Variants in SLC22A23 observed in about 807,000 individuals in gnomAD.
SLC22A23 encodes the protein solute carrier family 22 member 23, also known as ion transporter protein.
In SLC22A23, 26 loss-of-function variants were observed where a neutral mutation model predicts 61.0. The ratio of observed to expected loss-of-function variants is 0.43; its 90% CI spans 0.31 to 0.59. SLC22A23 has a LOEUF of 0.59. SLC22A23 is among the 20% of genes least tolerant of loss of function. The probability of loss-of-function intolerance (pLI) is 0.11; values close to 1 mark genes in which losing one functional copy is unlikely to be tolerated. For missense variants in SLC22A23, 796 were observed against 934.7 expected, an observed-to-expected ratio of 0.85 and a Z score of 1.94; for synonymous variants, 430 against 413.9, an observed-to-expected ratio of 1.04 and a Z score of -0.47.
chr6:3,315,966 T>C (rs1168203793), intron 4 of SLC22A23, among the ~76,000 whole-genome samples: 1 of 152,246 alleles, frequency 6.6e-6, no homozygotes, highest in Admixed American at 6.5e-5. Context: ...CAAAGTATGT[T>C]AGGTCCTCTG....
intron 9 of SLC22A23, among the ~76,000 whole-genome samples, chr6:3,283,167 C>T (rs185181235): frequency 1.3e-5 from 2 of 152,138 alleles, no homozygotes; most frequent in African/African-American, 4.8e-5. Context: ...CACGGTGGTT[C>T]ACGCCTGTAA....
chr6:3,274,883 A>T (rs1005830811), intron 9 of SLC22A23, among the ~76,000 whole-genome samples: 2 of 151,970 alleles, frequency 1.3e-5, no homozygotes, highest in African/African-American at 4.9e-5. Flanking sequence ...TAGAAGACTA[A>T]ATATTATAAA....
At chr6:3,348,149 C>T (rs1189624442) in intron 3 of SLC22A23, among the ~76,000 whole-genome samples, 1 of 152,222 alleles carries the variant, frequency 6.6e-6, no homozygotes, top group East Asian at 1.9e-4. Context: ...AAGAGACATT[C>T]TTTTTGTTTT....
chr6:3,331,716 T>G (rs545650238), intron 3 of SLC22A23, among the ~76,000 whole-genome samples: 5 of 152,372 alleles, frequency 3.3e-5, no homozygotes, highest in African/African-American at 9.6e-5. Context: ...CAAAGACTGA[T>G]GCTCAGCAGC....
chr6:3,398,669 C>A lies in SLC22A23; in HGVS notation c.913+11519G>T, dbSNP rs987597229. Among the ~76,000 whole-genome samples the A allele has an allele frequency of 2.6e-5, 4 of 152,094 alleles. No individual in the cohort carries two copies. The East Asian group carries it at 7.7e-4, about 29-fold the overall frequency. On this transcript the variant is annotated intron_variant, in intron 3 of 9. Coordinates refer to ENST00000406686, the MANE Select transcript of SLC22A23 (RefSeq NM_015482.2). The stretch of plus-strand genomic sequence containing the variant: ...TTCGCCCAAGAGCATCTCACCCCAG[C>A]TGCAACCCTCCCTGCCTCCTCAGGC...
chr6:3,419,275 G>A (rs998727444), intron 1 of SLC22A23, among the ~76,000 whole-genome samples: 3 of 151,866 alleles, frequency 2.0e-5, no homozygotes, highest in African/African-American at 7.3e-5. Flanking sequence ...CATCCCATCC[G>A]TGCTCCATTG....
chr6:3,443,978 A>T (rs1771751766), intron 1 of SLC22A23, among the ~76,000 whole-genome samples: 1 of 152,204 alleles, frequency 6.6e-6, no homozygotes, highest in Non-Finnish European at 1.5e-5. Flanking sequence ...CCCACCTTCC[A>T]CCTGCTGCCC....
chr6:3,405,495 A>G (rs1260335884), intron 3 of SLC22A23, among the ~76,000 whole-genome samples: 1 of 152,194 alleles, frequency 6.6e-6, no homozygotes, highest in African/African-American at 2.4e-5. Context: ...AATGCAGAGC[A>G]AATGTTTGCT....
rs535256737 is a variant in SLC22A23, at chr6:3,417,569, G to GC, written c.655-1715dup. Among the ~76,000 whole-genome samples the GC allele has an allele frequency of 4.9e-4, 74 of 152,320 alleles. 1 individual carries two copies. The highest frequency in any genetic ancestry group is 1.6e-3 in the African/African-American group (65 of 41,562). ...CCTCAAACTGCTCCAGGGACCAGCAGCATCAGCACCACCTGGGGACTAGTT... is the reference window on the plus strand; with the variant it reads ...CCTCAAACTGCTCCAGGGACCAGCAGCCATCAGCACCACCTGGGGACTAGTT... On this transcript the variant is annotated intron_variant, in intron 1 of 9. Coordinates refer to ENST00000406686, the MANE Select transcript of SLC22A23 (RefSeq NM_015482.2).
chr6:3,278,939 G>A (rs1440876718), intron 9 of SLC22A23, among the ~76,000 whole-genome samples: 1 of 152,164 alleles, frequency 6.6e-6, no homozygotes, highest in Non-Finnish European at 1.5e-5. Flanking sequence ...CAGGAGGGCA[G>A]AGTACAGACC....
chr6:3,431,819 G>A (rs769841088), intron 1 of SLC22A23, among the ~76,000 whole-genome samples: 6 of 152,190 alleles, frequency 3.9e-5, no homozygotes, highest in Non-Finnish European at 7.3e-5. Context: ...CACAAAGACC[G>A]CCATTTGCCA....
intron 3 of SLC22A23, among the ~76,000 whole-genome samples, chr6:3,332,827 TC>T (rs892782365): frequency 1.3e-5 from 2 of 152,174 alleles, no homozygotes; most frequent in African/African-American, 2.4e-5. Flanking sequence ...ATCTTAATTC[TC>T]CTTCAGTCTA....
chr6:3,405,588 T>C (rs555420482), intron 3 of SLC22A23, among the ~76,000 whole-genome samples: 6 of 151,452 alleles, frequency 4.0e-5, no homozygotes, highest in Non-Finnish European at 8.8e-5. Flanking sequence ...CTTTGACAAC[T>C]CACTCTGTGG....
At chr6:3,276,164 C>T (rs1306938345) in intron 9 of SLC22A23, among the ~76,000 whole-genome samples, 1 of 151,886 alleles carries the variant, frequency 6.6e-6, no homozygotes, top group African/African-American at 2.4e-5. Context: ...TAAGAGAAGA[C>T]ACTTTGCTCT....
chr6:3,382,397 G>A (rs1460056951), intron 3 of SLC22A23, among the ~76,000 whole-genome samples: 1 of 152,230 alleles, frequency 6.6e-6, no homozygotes, highest in Non-Finnish European at 1.5e-5. Flanking sequence ...TTACGCCCTA[G>A]TCTGAAAATT....
At chr6:3,432,906 T>C (rs1489546249) in intron 1 of SLC22A23, among the ~76,000 whole-genome samples, 4 of 152,200 alleles carry the variant, frequency 2.6e-5, no homozygotes, top group South Asian at 2.1e-4. Context: ...CTCCGGAACC[T>C]TGTGAAGGGA....
At chr6:3,429,957 A>T (rs6917962) in intron 1 of SLC22A23, among the ~76,000 whole-genome samples, 45,988 of 152,100 alleles carry the variant, frequency 0.3, 8,139 homozygotes, top group East Asian at 0.48. Flanking sequence ...GATGAAAAAT[A>T]TCTGGAGATG....
chr6:3,356,762 C>A (rs1765132169), intron 3 of SLC22A23, among the ~76,000 whole-genome samples: 1 of 152,156 alleles, frequency 6.6e-6, no homozygotes, highest in Admixed American at 6.5e-5. Flanking sequence ...TAATAAGGTG[C>A]AGGATCCCGC....
At chr6:3,432,016 ACT>A (rs751203392) in intron 1 of SLC22A23, 10 of 169,832 alleles carry the variant, frequency 5.9e-5, no homozygotes, top group Non-Finnish European at 9.5e-5. Context: ...CAAAGCACAC[ACT>A]CTGCTGAAAG....
Sources: gnomAD v4.1 joint callset for allele counts (sites outside exome capture counted in the v4.1 genomes callset) on GRCh38, gnomAD v4.1.1 for gene constraint, MANE v1.5 for transcripts, NCBI Gene and HGNC (gene_info 2026-07-23, HGNC 2026-07-21) for gene names.